Variants in RPA1 observed in about 807,000 individuals in gnomAD.
The protein encoded by RPA1 is replication protein A 70 kDa DNA-binding subunit.
A neutral mutation model predicts 83.0 loss-of-function variants in RPA1; 49 were observed. That is an observed-to-expected ratio of 0.59 (90% CI 0.47 to 0.75). The LOEUF (loss-of-function observed/expected upper bound fraction) is 0.75. Among genes scored for constraint, RPA1 ranks in the 30% least tolerant of loss-of-function variants. The pLI, the probability that RPA1 is intolerant of heterozygous loss-of-function variation, is 0.00. For missense variants in RPA1, 693 were observed against 776.1 expected (o/e 0.89, Z 1.27); for synonymous variants, 279 against 281.8 (o/e 0.99, Z 0.10).
Position 1,877,328 on chromosome 17 carries a change from A to T in RPA1, c.690+14A>T, listed in dbSNP as rs778723583. 3.1e-6 allele frequency: 5 copies of T among 1,612,162 alleles called. No individual in the cohort carries two copies. The highest frequency in any genetic ancestry group is 2.7e-5 in the African/African-American group (2 of 74,764). On this transcript the variant is annotated intron_variant, in intron 8 of 16. Transcript: ENST00000254719. ...GTTGACGAAAGTGTGAGTGTTTGTC[A>T]TGCTGGGGAGTGAGGGCAGTGGGCT...
Position 1,884,049 on chromosome 17 carries a change from C to T in RPA1, c.1374+105C>T, listed in dbSNP as rs954043570. The T allele has an allele frequency of 5.3e-6, 8 of 1,501,252 alleles. No individual in the cohort carries two copies. Among genetic ancestry groups the T allele is most frequent in the Non-Finnish European group, 7.3e-6 (8 of 1,101,984 alleles). The allele number at this position is 1,501,252 out of a possible 1,614,324, so 93.0% of individuals were successfully genotyped here. A position where few individuals can be genotyped will look rare whatever the true frequency, so the allele number is the denominator to read the frequency against. On this transcript the variant is annotated intron_variant, in intron 13 of 16. Coordinates refer to ENST00000254719, the MANE Select transcript of RPA1 (RefSeq NM_002945.5). This position sits in a 1 kb window ranked among gnomAD's most constrained non-coding sequence, Gnocchi z 4.1. ...CCAGCTGTCAGAGCCGTAATTCTTA[C>T]CCGGGGCTGTGACCTGAGCGTGGCA...
intron 1 of RPA1, among the ~76,000 whole-genome samples, chr17:1,831,659 C>T (rs1199137319): frequency 5.4e-5 from 8 of 148,394 alleles, no homozygotes; most frequent in East Asian, 2.0e-4. Flanking sequence ...AGGGCAGTGG[C>T]GCGATCTCGG....
intron 5 of RPA1, among the ~76,000 whole-genome samples, chr17:1,853,759 T>C (rs1912587200): frequency 6.6e-6 from 1 of 152,162 alleles, no homozygotes; most frequent in African/African-American, 2.4e-5. Context: ...CACAGTAATA[T>C]AGGATACTAC....
At chr17:1,889,077 A>G (rs1170739442) in intron 14 of RPA1, among the ~76,000 whole-genome samples, 1 of 114,530 alleles carries the variant, frequency 8.7e-6, no homozygotes, top group African/African-American at 4.1e-5. Context: ...AGCGTCAGTG[A>G]CACTTGCCTG....
chr17:1,878,169 A>T (rs1913638614), intron 8 of RPA1, among the ~76,000 whole-genome samples: 1 of 151,890 alleles, frequency 6.6e-6, no homozygotes, highest in African/African-American at 2.4e-5. Context: ...AAGGAGGTGG[A>T]GGTTGGAGCC....
chr17:1,879,147 T>A lies in RPA1; in HGVS notation c.760-68T>A. On this transcript the variant is annotated intron_variant, in intron 9 of 16. Coordinates refer to ENST00000254719, the MANE Select transcript of RPA1 (RefSeq NM_002945.5). Reference sequence around the variant, plus strand: ...GCTGGCCCAGGGGAGGGGTGTGTGGTGGCAGACTAGGGGTTTCTGTCCGAT... The same window carrying A: ...GCTGGCCCAGGGGAGGGGTGTGTGGAGGCAGACTAGGGGTTTCTGTCCGAT... 4.3e-6 allele frequency: 7 copies of A among 1,609,834 alleles called. No individual in the cohort carries two copies. The South Asian group carries it at 7.7e-5, about 18-fold the overall frequency.
At chr17:1,888,915 A>T in intron 14 of RPA1, 64 bp downstream of exon 14, 1 of 1,540,388 alleles carries the variant, frequency 6.5e-7, no homozygotes, top group Non-Finnish European at 8.9e-7. Flanking sequence ...TGTGCCAGGC[A>T]CTGTGGTCAC....
chr17:1,882,362 A>G (rs1395282452), intron 12 of RPA1, among the ~76,000 whole-genome samples: 1 of 152,178 alleles, frequency 6.6e-6, no homozygotes, highest in African/African-American at 2.4e-5. Context: ...GCTCTGGTTT[A>G]TAAAATCTTT....
intron 15 of RPA1, among the ~76,000 whole-genome samples, chr17:1,892,961 T>C (rs1676277987): frequency 6.6e-6 from 1 of 152,240 alleles, no homozygotes; most frequent in South Asian, 2.1e-4. Flanking sequence ...GTAGATGGCT[T>C]TTCCCCCGAT....
chr17:1,880,221 C>G (rs567213779), intron 11 of RPA1, among the ~76,000 whole-genome samples: 80 of 152,292 alleles, frequency 5.3e-4, no homozygotes, highest in African/African-American at 1.8e-3. Flanking sequence ...CGGTTTTGTC[C>G]TATGAGTTGG....
chr17:1,893,951 C>A (rs1412382318), intron 15 of RPA1, among the ~76,000 whole-genome samples: 1 of 151,620 alleles, frequency 6.6e-6, no homozygotes, highest in Non-Finnish European at 1.5e-5. Context: ...GCTTCAAACT[C>A]TTGGGCTCAG....
chr17:1,889,732 G>C (rs1010033322), intron 14 of RPA1, among the ~76,000 whole-genome samples: 1 of 152,132 alleles, frequency 6.6e-6, no homozygotes, highest in Non-Finnish European at 1.5e-5. Flanking sequence ...GGGCACAGTG[G>C]CTCACTTTTG....
chr17:1,868,116 C>T (rs1328617103), intron 5 of RPA1, among the ~76,000 whole-genome samples: 1 of 152,078 alleles, frequency 6.6e-6, no homozygotes, highest in Non-Finnish European at 1.5e-5. Flanking sequence ...AAACATAGGG[C>T]TATGGAAAAA....
intron 8 of RPA1, among the ~76,000 whole-genome samples, chr17:1,877,739 G>C (rs1245705426): frequency 6.6e-6 from 1 of 152,204 alleles, no homozygotes; most frequent in African/African-American, 2.4e-5. Flanking sequence ...GAGCGCCGTG[G>C]AGCTTTGGGA....
In RPA1 at chr17:1,879,830, C is replaced by G. The variant is rs564983074; in HGVS notation, c.1092+131C>G. ...GAGTTGGGGGAGGGAGTGGTCTTAT[C>G]CTATAGGATGGGGCCTTCAGCACAC... On this transcript the variant is annotated intron_variant, in intron 11 of 16. Coordinates refer to ENST00000254719, the MANE Select transcript of RPA1 (RefSeq NM_002945.5). 2.4e-4 allele frequency: 285 copies of G among 1,163,774 alleles called. 2 individuals are homozygous for G. The African/African-American group carries it at 4.2e-3, about 17-fold the overall frequency. 72.1% of individuals were successfully genotyped at this position (1,163,774 alleles called of 1,614,324 possible).
intron 1 of RPA1, among the ~76,000 whole-genome samples, chr17:1,840,379 C>T (rs2151269247): frequency 1.3e-5 from 2 of 152,140 alleles, no homozygotes; most frequent in Middle Eastern, 3.4e-3. Flanking sequence ...CTCCGCCTCC[C>T]AGGTTCAAGC....
intron 4 of RPA1, among the ~76,000 whole-genome samples, chr17:1,849,863 T>C (rs903766179): frequency 6.6e-6 from 1 of 152,166 alleles, no homozygotes; most frequent in Non-Finnish European, 1.5e-5. Context: ...TGATCATATT[T>C]AATGAACTAT....
chr17:1,882,587 G>GCC, intron 12 of RPA1, among the ~76,000 whole-genome samples: 1 of 152,248 alleles, frequency 6.6e-6, no homozygotes, highest in South Asian at 2.1e-4. Flanking sequence ...AGAATCACTT[G>GCC]CCAGGAGGTG....
intron 15 of RPA1, among the ~76,000 whole-genome samples, chr17:1,892,251 C>G (rs959408087): frequency 6.6e-6 from 1 of 152,142 alleles, no homozygotes; most frequent in Non-Finnish European, 1.5e-5. Flanking sequence ...ATGATCTGCC[C>G]GCTTCAGCCA....
Sources: gnomAD v4.1 joint callset for allele counts (sites outside exome capture counted in the v4.1 genomes callset) on GRCh38, gnomAD v4.1.1 for gene constraint, Gnocchi (gnomAD v3.1) non-coding constraint, MANE v1.5 for transcripts, NCBI Gene and HGNC (gene_info 2026-07-23, HGNC 2026-07-21) for gene names.